CCDC178: variants seen among roughly 807,000 people sequenced by gnomAD.
CCDC178 encodes coiled-coil domain-containing protein 178.
CCDC178 carries 126 observed loss-of-function variants against 117.4 expected under a neutral mutation model. The ratio of observed to expected loss-of-function variants is 1.07; its 90% CI spans 0.93 to 1.24. The LOEUF (loss-of-function observed/expected upper bound fraction) is 1.24, where lower values mean the gene tolerates loss of function less well. Among genes scored for constraint, CCDC178 ranks in the 50% most tolerant of loss-of-function variants. The pLI is 0.00. For synonymous variants in CCDC178, 283 were observed against 313.4 expected, an observed-to-expected ratio of 0.90 and a Z score of 1.02; for missense variants, 1,030 against 986.9, an observed-to-expected ratio of 1.04 and a Z score of -0.59.
At chr18:33,208,522 G>A (rs1158617624) in intron 20 of CCDC178, among the ~76,000 whole-genome samples, 4 of 152,026 alleles carry the variant, frequency 2.6e-5, no homozygotes. Flanking sequence ...CTGCTGATGT[G>A]TCTTGAAAAT....
In CCDC178 at chr18:33,183,731, GA is replaced by G. The variant is rs1337434345; in HGVS notation, c.2238+28164del. The stretch of plus-strand genomic sequence containing the variant: ...CATTCAGCTCTGCTCCCCCCACACA[GA>G]AGCCAAGCTCATCTTAAATATGCAA... On this transcript the variant is annotated intron_variant, in intron 20 of 22. Transcript: ENST00000383096. Among the ~76,000 whole-genome samples the G allele has an allele frequency of 2.0e-5, 3 of 152,098 alleles. No individual in the cohort carries two copies. In the East Asian group the frequency reaches 5.8e-4, roughly 29 times the overall value.
chr18:33,384,173 G>A (rs2063469468), intron 5 of CCDC178, among the ~76,000 whole-genome samples: 1 of 151,972 alleles, frequency 6.6e-6, no homozygotes, highest in East Asian at 1.9e-4. Flanking sequence ...AAAAAAGAAT[G>A]AAATAAAACA....
At chr18:33,031,784 T>C (rs1454587184) in intron 21 of CCDC178, among the ~76,000 whole-genome samples, 1 of 152,082 alleles carries the variant, frequency 6.6e-6, no homozygotes, top group Non-Finnish European at 1.5e-5. Context: ...TATAACAATG[T>C]TCATGGCAGC....
chr18:33,224,782 T>C lies in CCDC178; in HGVS notation c.1811A>G (p.His604Arg). Residue 604 changes from histidine (H) to arginine (R), a missense_variant, in exon 17 of 23, where the codon CAT becomes CGT. His to Arg is a conservative substitution (Grantham distance 29). Coordinates refer to ENST00000383096, the MANE Select transcript of CCDC178 (RefSeq NM_001105528.4). ...AERIRSLDKE[H>R]SVMLNNIIDQ... The stretch of plus-strand genomic sequence containing the variant: ...GATTAATTAAATGCTTACAACAGAA[T>C]GTTCTTTGTCGAGACTTCTGATTCT... 1 of 1,522,178 alleles carries C rather than the reference T, an allele frequency of 6.6e-7. No homozygotes were observed. Among genetic ancestry groups the C allele is most frequent in the Middle Eastern group, 1.7e-4 (1 of 5,720 alleles). The allele number at this position is 1,522,178 out of a possible 1,614,324, so 94.3% of individuals were successfully genotyped here.
At chr18:33,148,656 C>T (rs184470628) in intron 20 of CCDC178, among the ~76,000 whole-genome samples, 100 of 152,192 alleles carry the variant, frequency 6.6e-4, no homozygotes, top group African/African-American at 2.1e-3. Context: ...TATCCCATTT[C>T]CACAATGAAA....
chr18:33,249,612 G>T (rs907727178), intron 14 of CCDC178, among the ~76,000 whole-genome samples: 2 of 151,992 alleles, frequency 1.3e-5, no homozygotes, highest in African/African-American at 4.8e-5. Context: ...GCTCTGTTCT[G>T]TTCCATTCAG....
At chr18:33,108,900 T>TA (rs913689247) in intron 20 of CCDC178, among the ~76,000 whole-genome samples, 5 of 151,782 alleles carry the variant, frequency 3.3e-5, no homozygotes, top group African/African-American at 9.6e-5. Flanking sequence ...AGGGAAATTA[T>TA]AAAAAAATTC....
chr18:33,439,392 A>C (rs1217611384), intron 2 of CCDC178, among the ~76,000 whole-genome samples: 1 of 152,228 alleles, frequency 6.6e-6, no homozygotes, highest in Non-Finnish European at 1.5e-5. Context: ...ATCCCAACCC[A>C]TCCAGGGATA....
intron 20 of CCDC178, among the ~76,000 whole-genome samples, chr18:33,154,665 A>G (rs1032541724): frequency 9.9e-5 from 15 of 152,182 alleles, no homozygotes; most frequent in Non-Finnish European, 1.8e-4. Flanking sequence ...TGAACTTTAT[A>G]TATAAAGATA....
intron 2 of CCDC178, among the ~76,000 whole-genome samples, chr18:33,414,286 T>A (rs531171357): frequency 3.3e-4 from 51 of 152,264 alleles, no homozygotes; most frequent in African/African-American, 1.2e-3. Context: ...TTAATGTAGC[T>A]GTGACTAGGC....
At chr18:33,175,788 G>T (rs990182959) in intron 20 of CCDC178, among the ~76,000 whole-genome samples, 3 of 152,002 alleles carry the variant, frequency 2.0e-5, no homozygotes, top group Non-Finnish European at 2.9e-5. Flanking sequence ...TGTCTCTGCT[G>T]GTCTCTACCC....
In CCDC178 at chr18:33,224,824, A is replaced by G. The variant is rs1283167554; in HGVS notation, c.1769T>C (p.Leu590Pro). 1 of 1,559,560 alleles carries G rather than the reference A, an allele frequency of 6.4e-7. No homozygotes were observed. Among genetic ancestry groups the G allele is most frequent in the South Asian group, 1.2e-5 (1 of 82,856 alleles). Residue 590 changes from leucine to proline, a missense_variant, in exon 17 of 23, where the codon CTA becomes CCA. Coordinates refer to ENST00000383096, the MANE Select transcript of CCDC178 (RefSeq NM_001105528.4). ...TCTGATTCTTTCAGCTTCATCTTCT[A>G]GTTGAAGCAGAGGTTCCTGTAGTTC... The part of the protein sequence containing the change: ...LAELQEPLLQ[L>P]EDEAERIRSL...
intron 4 of CCDC178, among the ~76,000 whole-genome samples, chr18:33,392,747 A>G (rs1038543818): frequency 6.6e-6 from 1 of 152,182 alleles, no homozygotes; most frequent in Non-Finnish European, 1.5e-5. Context: ...CTGTAGTCCC[A>G]GTTACTCCAG....
intron 20 of CCDC178, among the ~76,000 whole-genome samples, chr18:33,186,562 G>A (rs190186594): frequency 5.4e-4 from 82 of 152,162 alleles, no homozygotes; most frequent in Non-Finnish European, 1.0e-3. Flanking sequence ...TAAAGTCTAT[G>A]GAGCCATATG....
At chr18:33,275,429 T>G (rs2059936468) in intron 12 of CCDC178, among the ~76,000 whole-genome samples, 1 of 149,652 alleles carries the variant, frequency 6.7e-6, no homozygotes, top group African/African-American at 2.5e-5. Flanking sequence ...TTGTTTGCAG[T>G]AGTTACTATT....
intron 21 of CCDC178, among the ~76,000 whole-genome samples, chr18:33,041,650 A>G (rs2144894559): frequency 6.6e-6 from 1 of 151,678 alleles, no homozygotes; most frequent in South Asian, 2.1e-4. Flanking sequence ...ATTTAATAAA[A>G]TAATAATTAT....
chr18:33,210,082 CA>C (rs2059089704), intron 20 of CCDC178, among the ~76,000 whole-genome samples: 1 of 151,984 alleles, frequency 6.6e-6, no homozygotes, highest in African/African-American at 2.4e-5. Flanking sequence ...ATGTGGACAG[CA>C]AAATTATCCA....
intron 20 of CCDC178, among the ~76,000 whole-genome samples, chr18:33,160,263 T>C (rs1000583514): frequency 6.6e-6 from 1 of 152,160 alleles, no homozygotes; most frequent in Non-Finnish European, 1.5e-5. Flanking sequence ...TCTTGGTAAA[T>C]GAATGGTATT....
chr18:33,346,700 C>G (rs1168853432), intron 8 of CCDC178, among the ~76,000 whole-genome samples: 1 of 151,986 alleles, frequency 6.6e-6, no homozygotes, highest in Non-Finnish European at 1.5e-5. Context: ...AACACATGTG[C>G]TATTTATAAG....
Sources: gnomAD v4.1 joint callset for allele counts (sites outside exome capture counted in the v4.1 genomes callset) on GRCh38, gnomAD v4.1.1 for gene constraint, MANE v1.5 for transcripts, NCBI Gene and HGNC (gene_info 2026-07-23, HGNC 2026-07-21) for gene names.